Variants in GPHN observed in about 807,000 individuals in gnomAD.
The protein encoded by GPHN is gephyrin.
In GPHN, 17 loss-of-function variants were observed where a neutral mutation model predicts 95.5. The observed-to-expected ratio is 0.18, with a 90% CI of 0.12 to 0.27. The LOEUF is 0.27. GPHN is among the 10% of genes least tolerant of loss of function. The pLI, the probability that GPHN is intolerant of heterozygous loss-of-function variation, is 1.00. For missense variants in GPHN, 660 were observed against 978.1 expected, an observed-to-expected ratio of 0.67 and a Z score of 4.34; for synonymous variants, 320 against 322.5, an observed-to-expected ratio of 0.99 and a Z score of 0.08.
chr14:67,453,237 C>T, the GPHN span, among the ~76,000 whole-genome samples: 1 of 152,240 alleles, frequency 6.6e-6, no homozygotes, highest in African/African-American at 2.4e-5. Flanking sequence ...GCCTAGGGCT[C>T]TGTCAAGGAG....
the GPHN span, chr14:67,224,112 C>A: frequency 1.5e-6 from 1 of 674,456 alleles, no homozygotes; most frequent in Non-Finnish European, 1.8e-6. Flanking sequence ...CAGCAGTTTG[C>A]GAAAGTTAAA....
chr14:67,076,937 C>T (rs1306609497), intron 11 of GPHN, among the ~76,000 whole-genome samples: 1 of 152,136 alleles, frequency 6.6e-6, no homozygotes, highest in South Asian at 2.1e-4. Context: ...AGAGCTCTCC[C>T]TTAACTTTCT....
intron 1 of GPHN, among the ~76,000 whole-genome samples, chr14:66,652,398 GA>G (rs1431640117): frequency 2.6e-5 from 4 of 151,702 alleles, no homozygotes; most frequent in Non-Finnish European, 5.9e-5. Context: ...GTATATATTT[GA>G]TATAATATAC....
chr14:67,069,864 CTGAT>C (rs2076215218), intron 11 of GPHN, among the ~76,000 whole-genome samples: 1 of 152,088 alleles, frequency 6.6e-6, no homozygotes, highest in Non-Finnish European at 1.5e-5. Flanking sequence ...TTGCTCTTCT[CTGAT>C]TGAGCTGTAC....
chr14:66,810,760 C>T (rs2060728104), intron 3 of GPHN, among the ~76,000 whole-genome samples: 1 of 152,076 alleles, frequency 6.6e-6, no homozygotes, highest in East Asian at 1.9e-4. Flanking sequence ...AAATTTATAT[C>T]AGATGCTTTC....
chr14:66,550,657 GAA>G (rs1300393876), intron 1 of GPHN, among the ~76,000 whole-genome samples: 2 of 152,142 alleles, frequency 1.3e-5, no homozygotes, highest in African/African-American at 4.8e-5. Flanking sequence ...TTTGTAAAAA[GAA>G]GAGTCAACTG....
chr14:66,622,773 T>C (rs1296980144), intron 1 of GPHN, among the ~76,000 whole-genome samples: 1 of 152,148 alleles, frequency 6.6e-6, no homozygotes, highest in African/African-American at 2.4e-5. Flanking sequence ...CCTCATCTCC[T>C]TGTGAGACCA....
intron 5 of GPHN, among the ~76,000 whole-genome samples, chr14:66,882,489 A>G (rs1472454643): frequency 2.0e-5 from 3 of 151,824 alleles, no homozygotes; most frequent in Non-Finnish European, 4.4e-5. Context: ...TTTTTTATAT[A>G]AGTAAGTTGG....
At chr14:66,789,193 C>G (rs2059887252) in intron 3 of GPHN, among the ~76,000 whole-genome samples, 2 of 152,168 alleles carry the variant, frequency 1.3e-5, no homozygotes, top group African/African-American at 4.8e-5. Context: ...ACAATTTGTT[C>G]AAACCTTCAT....
At chr14:67,118,998 G>T (rs1028087089) in intron 16 of GPHN, among the ~76,000 whole-genome samples, 3 of 152,180 alleles carry the variant, frequency 2.0e-5, no homozygotes, top group African/African-American at 7.2e-5. Context: ...GAGGACTAGG[G>T]TTGGCCATGG....
downstream of GPHN, among the ~76,000 whole-genome samples, chr14:67,184,949 G>A (rs2083361457): frequency 6.6e-6 from 1 of 151,970 alleles, no homozygotes; most frequent in African/African-American, 2.4e-5. Context: ...ACAAATCAAG[G>A]AGGAGAGTCT....
At chr14:67,366,725 C>T in the GPHN span, among the ~76,000 whole-genome samples, 3 of 152,058 alleles carry the variant, frequency 2.0e-5, no homozygotes, top group Non-Finnish European at 4.4e-5. Flanking sequence ...AGCCTTTCAA[C>T]GTAAATGCCA....
chr14:67,665,259 CTT>C, the GPHN span, among the ~76,000 whole-genome samples: 17,702 of 126,354 alleles, frequency 0.14, 1,043 homozygotes, highest in Admixed American at 0.22. Context: ...TCAGTTATAT[CTT>C]TTTTTTTTTT....
intron 8 of GPHN, among the ~76,000 whole-genome samples, chr14:66,949,861 G>T (rs1037980975): frequency 3.3e-5 from 5 of 151,880 alleles, no homozygotes; most frequent in Non-Finnish European, 7.4e-5. Flanking sequence ...CATTCATACT[G>T]CCATTTCAAA....
intron 1 of GPHN, among the ~76,000 whole-genome samples, chr14:66,670,099 A>G (rs905782894): frequency 6.6e-6 from 1 of 152,092 alleles, no homozygotes; most frequent in Non-Finnish European, 1.5e-5. Flanking sequence ...ACTTCATCTG[A>G]GAGTAGTCCC....
At chr14:67,315,317 C>T in the GPHN span, among the ~76,000 whole-genome samples, 1 of 133,040 alleles carries the variant, frequency 7.5e-6, no homozygotes, top group South Asian at 2.4e-4. Flanking sequence ...CGCTCTGTCT[C>T]CCAGGCTGGA....
Position 66,684,168 on chromosome 14 carries a change from C to T in GPHN, c.143+2983C>T, listed in dbSNP as rs114223525. On this transcript the variant is annotated intron_variant, in intron 2 of 22. Transcript: ENST00000478722. ...TGGCAGATTTTTATTATGACTCACC[C>T]ATTTGAGCTGCTGATACTGAAAGGA... Among the ~76,000 whole-genome samples the T allele has an allele frequency of 3.0e-3, 455 of 152,138 alleles. 3 individuals are homozygous for T. Among genetic ancestry groups the T allele is most frequent in the African/African-American group, 0.011 (438 of 41,486 alleles).
intron 13 of GPHN, among the ~76,000 whole-genome samples, chr14:67,108,781 G>C (rs1032412939): frequency 5.4e-5 from 8 of 147,266 alleles, no homozygotes; most frequent in African/African-American, 1.0e-4. Context: ...TTATTTTGGT[G>C]GTTAAAATAA....
At chr14:67,392,312 C>T in the GPHN span, 30 of 1,509,660 alleles carry the variant, frequency 2.0e-5, no homozygotes, top group South Asian at 3.3e-4. Flanking sequence ...CTTCCCTGCT[C>T]ATAGCAGCCA....
Sources: gnomAD v4.1 joint callset for allele counts (sites outside exome capture counted in the v4.1 genomes callset) on GRCh38, gnomAD v4.1.1 for gene constraint, MANE v1.5 for transcripts, NCBI Gene and HGNC (gene_info 2026-07-23, HGNC 2026-07-21) for gene names.